Variants in CELF2 observed in about 807,000 individuals in gnomAD.
CELF2 encodes CUGBP Elav-like family member 2, also known as CUG triplet repeat RNA-binding protein 2.
CELF2 carries 8 observed loss-of-function variants against 62.6 expected under a neutral mutation model. The ratio of observed to expected loss-of-function variants is 0.13; its 90% CI spans 0.07 to 0.23. The LOEUF is 0.23. Among genes scored for constraint, CELF2 ranks in the 10% least tolerant of loss-of-function variants. CELF2 has a pLI of 1.00. For missense variants in CELF2, 333 were observed against 671.0 expected (o/e 0.50, Z 5.56); for synonymous variants, 258 against 250.0 (o/e 1.03, Z -0.30).
chr10:10,532,450 A>G, the CELF2 span, among the ~76,000 whole-genome samples: 1 of 152,228 alleles, frequency 6.6e-6, no homozygotes, highest in Non-Finnish European at 1.5e-5. Context: ...GCTGTTACCA[A>G]AGCAGCACTT....
At chr10:10,792,244 C>G in the CELF2 span, 1 of 395,786 alleles carries the variant, frequency 2.5e-6, no homozygotes, top group African/African-American at 2.1e-5. Flanking sequence ...TGGTTACCAC[C>G]TTGAATTACA....
the CELF2 span, among the ~76,000 whole-genome samples, chr10:10,714,955 C>T: frequency 2.0e-5 from 3 of 151,882 alleles, no homozygotes; most frequent in South Asian, 4.2e-4. Context: ...AAAGATTCAT[C>T]GCAGGGTGAC....
chr10:10,653,602 T>A, the CELF2 span, among the ~76,000 whole-genome samples: 1 of 132,614 alleles, frequency 7.5e-6, no homozygotes, highest in Non-Finnish European at 1.6e-5. Flanking sequence ...CTGAACAACC[T>A]GCTCCTGAAT....
chr10:10,800,205 A>G lies in CELF2; in HGVS notation c.53+1388A>G, dbSNP rs561056245. Among the ~76,000 whole-genome samples the G allele has an allele frequency of 3.9e-5, 6 of 152,308 alleles. No homozygotes were observed. In the South Asian group the frequency reaches 1.2e-3, roughly 32 times the overall value. ...AAAGTACTGCATGTCATATTCTAGA[A>G]CTTTCCACGGATGCTTTTTGCACAT... On this transcript the variant is annotated intron_variant, in intron 1 of 13. Transcript: ENST00000636488.
intron 1 of CELF2, among the ~76,000 whole-genome samples, chr10:10,816,508 A>G (rs1400674411): frequency 1.3e-5 from 2 of 152,120 alleles, no homozygotes; most frequent in African/African-American, 2.4e-5. Context: ...TTTTCCTATA[A>G]TTATTTTTAT....
Position 11,008,557 on chromosome 10 carries a change from C to T in CELF2, c.53+3117C>T, listed in dbSNP as rs1564359296. 6.6e-6 allele frequency among the ~76,000 whole-genome samples: 1 copy of T among 152,096 alleles called. No homozygotes were observed. Among genetic ancestry groups the T allele is most frequent in the East Asian group, 1.9e-4 (1 of 5,190 alleles). On this transcript the variant is annotated intron_variant, in intron 1 of 12. Coordinates refer to the CELF2 transcript ENST00000416382. The surrounding 1 kb of genome is among the most constrained non-coding windows in gnomAD (Gnocchi z 4.5). ...GTGCTAGAAGACCGAGGAAGTCATTCAAAGAGTGAATCAATACTAATTATT... is the reference window on the plus strand; with the variant it reads ...GTGCTAGAAGACCGAGGAAGTCATTTAAAGAGTGAATCAATACTAATTATT...
chr10:10,476,111 G>C, the CELF2 span, among the ~76,000 whole-genome samples: 1 of 152,002 alleles, frequency 6.6e-6, no homozygotes, highest in Non-Finnish European at 1.5e-5. Context: ...AGATATTCTG[G>C]TAAATTTCCT....
chr10:10,965,738 TTAAAAGACC>T (rs1332002960), intron 2 of CELF2, among the ~76,000 whole-genome samples: 1 of 152,084 alleles, frequency 6.6e-6, no homozygotes. Context: ...AACCCACAAG[TTAAAAGACC>T]TAAAAGAACC....
intron 1 of CELF2, among the ~76,000 whole-genome samples, chr10:10,849,390 G>C (rs1039042871): frequency 6.6e-6 from 1 of 152,114 alleles, no homozygotes; most frequent in African/African-American, 2.4e-5. Context: ...CTGGGTGACA[G>C]AGCAAGACTC....
chr10:10,476,321 T>A, the CELF2 span, among the ~76,000 whole-genome samples: 1 of 152,170 alleles, frequency 6.6e-6, no homozygotes, highest in Non-Finnish European at 1.5e-5. Context: ...ATGTTTACTA[T>A]CAAGAAGGTA....
chr10:11,040,882 C>A (rs901354371), intron 1 of CELF2, among the ~76,000 whole-genome samples: 8 of 152,098 alleles, frequency 5.3e-5, no homozygotes, highest in African/African-American at 1.9e-4. Flanking sequence ...CTGTTTAGCT[C>A]CATCTCTGTG....
At position 10,852,791 on chromosome 10, in the gene CELF2, C is replaced by G. The variant is rs534364470; in HGVS notation, c.53+53974C>G. 1.6e-3 allele frequency among the ~76,000 whole-genome samples: 239 copies of G among 152,264 alleles called. 2 individuals are homozygous for G. Among genetic ancestry groups the G allele is most frequent in the African/African-American group, 5.6e-3 (233 of 41,560 alleles). ...ATCTACAGTTTTCTCAAAAAGAAAA[C>G]TTTAAACACACACACACCAAGACAA... On this transcript the variant is annotated intron_variant, in intron 1 of 13. Transcript: ENST00000636488.
At chr10:10,812,120 G>C (rs2055959344) in intron 1 of CELF2, among the ~76,000 whole-genome samples, 1 of 152,122 alleles carries the variant, frequency 6.6e-6, no homozygotes, top group Non-Finnish European at 1.5e-5. Flanking sequence ...ACATACCCGA[G>C]AGTGGGTGAG....
In CELF2 at chr10:11,227,359, C is replaced by T. The variant is rs1298816625; in HGVS notation, c.354+9852C>T. 6.6e-6 allele frequency among the ~76,000 whole-genome samples: 1 copy of T among 152,214 alleles called. No individual in the cohort carries two copies. Among genetic ancestry groups the T allele is most frequent in the Non-Finnish European group, 1.5e-5 (1 of 68,036 alleles). ...CAAACCAGGGCACTGAGAGGTAGAA[C>T]CAGGCAGCCCACGCCACAGATGGCA... is the stretch of plus-strand genomic sequence containing the variant. On this transcript the variant is annotated intron_variant, in intron 3 of 12. Coordinates refer to ENST00000633077, the MANE Select transcript of CELF2 (RefSeq NM_001326342.2). This position sits in a 1 kb window ranked among gnomAD's most constrained non-coding sequence, Gnocchi z 4.8.
intron 2 of CELF2, among the ~76,000 whole-genome samples, chr10:11,216,105 CT>C: frequency 6.6e-6 from 1 of 152,324 alleles, no homozygotes; most frequent in African/African-American, 2.4e-5. Context: ...GGTTCCTGAT[CT>C]TTGGATGCGT....
At chr10:11,097,723 C>T (rs557437724) in intron 1 of CELF2, among the ~76,000 whole-genome samples, 86 of 152,318 alleles carry the variant, frequency 5.6e-4, no homozygotes, top group African/African-American at 2.0e-3. Flanking sequence ...TTAGGATCCT[C>T]CTGGGTACCT....
chr10:11,010,644 C>T lies in CELF2; in HGVS notation c.53+5204C>T, dbSNP rs2056296628. Among the ~76,000 whole-genome samples the T allele has an allele frequency of 6.6e-6, 1 of 152,178 alleles. No individual in the cohort carries two copies. ...AGGCCCATAGACACAGTGGGAGGAA[C>T]TATGACCCTGTATTCAGCCAAACAC... On this transcript the variant is annotated intron_variant, in intron 1 of 12. Transcript: ENST00000416382. This position sits in a 1 kb window ranked among gnomAD's most constrained non-coding sequence, Gnocchi z 4.1.
the CELF2 span, among the ~76,000 whole-genome samples, chr10:10,659,434 A>G: frequency 6.6e-6 from 1 of 152,128 alleles, no homozygotes; most frequent in Non-Finnish European, 1.5e-5. Flanking sequence ...TCCTTTAGCA[A>G]TTACCTATTC....
chr10:11,289,205 G>T (rs181306513), intron 9 of CELF2, among the ~76,000 whole-genome samples: 159 of 152,050 alleles, frequency 1.0e-3, no homozygotes, highest in Middle Eastern at 3.4e-3. Context: ...TAAAAAAGTC[G>T]AACGTTTCAC....
Sources: allele counts gnomAD v4.1 joint callset (sites outside exome capture counted in the v4.1 genomes callset), GRCh38; gene constraint gnomAD v4.1.1; non-coding constraint Gnocchi (gnomAD v3.1); transcripts MANE v1.5; gene names NCBI Gene and HGNC (gene_info 2026-07-23, HGNC 2026-07-21).